DSE: variants seen among roughly 807,000 people sequenced by gnomAD.
The protein encoded by DSE is dermatan sulfate epimerase.
A neutral mutation model predicts 84.4 loss-of-function variants in DSE; 36 were observed. That is an observed-to-expected ratio of 0.43 (90% CI 0.33 to 0.56). The LOEUF is 0.56. DSE is among the 20% of genes least tolerant of loss of function. DSE has a pLI of 0.06. For synonymous variants in DSE, 410 were observed against 430.1 expected (o/e 0.95, Z 0.58); for missense variants, 862 against 1,169.6 (o/e 0.74, Z 3.84).
At chr6:116,331,789 T>G (rs903459885) in intron 2 of DSE, among the ~76,000 whole-genome samples, 1 of 152,060 alleles carries the variant, frequency 6.6e-6, no homozygotes, top group African/African-American at 2.4e-5. Context: ...AAACCCTGTC[T>G]CTACTAAAAA....
intron 2 of DSE, among the ~76,000 whole-genome samples, chr6:116,315,060 G>A (rs1325538971): frequency 6.6e-6 from 1 of 152,140 alleles, no homozygotes; most frequent in Admixed American, 6.5e-5. Flanking sequence ...GGAGAAATGG[G>A]GGAAGTCCTG....
At chr6:116,422,423 C>G (rs1250710474) in intron 2 of DSE, among the ~76,000 whole-genome samples, 1 of 152,164 alleles carries the variant, frequency 6.6e-6, no homozygotes, top group Admixed American at 6.5e-5. Flanking sequence ...GTGCTAACAC[C>G]CAAATTGAGA....
intron 2 of DSE, among the ~76,000 whole-genome samples, chr6:116,284,609 C>T (rs1773755674): frequency 6.6e-6 from 1 of 151,778 alleles, no homozygotes. Flanking sequence ...GTGCTGCACC[C>T]ATTAACTCGT....
intron 1 of DSE, among the ~76,000 whole-genome samples, chr6:116,396,424 C>T (rs1781252400): frequency 6.6e-6 from 1 of 152,110 alleles, no homozygotes; most frequent in Non-Finnish European, 1.5e-5. Flanking sequence ...TTGAGAATGC[C>T]ACGGTTCTTT....
intron 2 of DSE, among the ~76,000 whole-genome samples, chr6:116,308,727 GA>G (rs1187371071): frequency 3.3e-5 from 5 of 151,892 alleles, no homozygotes; most frequent in African/African-American, 9.7e-5. Flanking sequence ...ACCCAGGCTG[GA>G]GTGCAGTGGC....
At chr6:116,324,057 C>T (rs1776480982) in intron 2 of DSE, among the ~76,000 whole-genome samples, 2 of 152,138 alleles carry the variant, frequency 1.3e-5, no homozygotes, top group Non-Finnish European at 2.9e-5. Flanking sequence ...AGGAAGTGCC[C>T]ACCTGTGAGA....
At chr6:116,339,000 G>A (rs377631913) in intron 2 of DSE, among the ~76,000 whole-genome samples, 7 of 152,170 alleles carry the variant, frequency 4.6e-5, no homozygotes, top group Admixed American at 3.9e-4. Flanking sequence ...TGTCTCATGC[G>A]CCCTGTGCTA....
chr6:116,366,551 TG>T (rs1779175223), upstream of DSE: 1 of 152,250 alleles, frequency 6.6e-6, no homozygotes, highest in African/African-American at 2.4e-5. Flanking sequence ...TATTATAATT[TG>T]GAAGGTGTTT....
At chr6:116,367,421 A>C (rs181029495), upstream of DSE, among the ~76,000 whole-genome samples, 116 of 152,366 alleles carry the variant, frequency 7.6e-4, no homozygotes, top group Admixed American at 6.7e-3. Flanking sequence ...GTAAAACATA[A>C]AAGGCAGATT....
At chr6:116,283,526 T>TTTGTTGTTGTTGTTGTTG (rs148204266) in intron 2 of DSE, among the ~76,000 whole-genome samples, 7 of 149,238 alleles carry the variant, frequency 4.7e-5, no homozygotes, top group African/African-American at 1.5e-4. Context: ...GGGTAGATTC[T>TTTGTTGTTGTTGTTGTTG]TTGTTGTTGT....
intron 2 of DSE, among the ~76,000 whole-genome samples, chr6:116,356,788 T>A (rs1372983714): frequency 6.6e-6 from 1 of 152,148 alleles, no homozygotes; most frequent in African/African-American, 2.4e-5. Flanking sequence ...TGCTTGTCTT[T>A]GGCGACAGTA....
At chr6:116,417,842 C>T (rs576895718) in intron 2 of DSE, among the ~76,000 whole-genome samples, 1 of 152,230 alleles carries the variant, frequency 6.6e-6, no homozygotes, top group Admixed American at 6.5e-5. Context: ...TTTCTGTGTA[C>T]TCTAGCCCTG....
At chr6:116,431,825 G>A (rs72951358) in intron 4 of DSE, among the ~76,000 whole-genome samples, 2,301 of 152,172 alleles carry the variant, frequency 0.015, 27 homozygotes, top group Non-Finnish European at 0.025. Context: ...TTCATTTCCA[G>A]AGAACTTTGT....
intron 2 of DSE, chr6:116,278,493 C>G: frequency 6.2e-7 from 1 of 1,613,416 alleles, no homozygotes; most frequent in South Asian, 1.1e-5. Flanking sequence ...AGACCTTGTG[C>G]AGGAGTATTC....
chr6:116,330,595 A>G (rs187141959), intron 2 of DSE, among the ~76,000 whole-genome samples: 81 of 152,306 alleles, frequency 5.3e-4, no homozygotes, highest in African/African-American at 1.9e-3. Context: ...TGTTTTGATT[A>G]TTTTATTATA....
intron 2 of DSE, among the ~76,000 whole-genome samples, chr6:116,359,820 G>T (rs550902379): frequency 6.6e-6 from 1 of 152,296 alleles, no homozygotes; most frequent in African/African-American, 2.4e-5. Flanking sequence ...GAGTGTTGAT[G>T]TAGCTCATTT....
intron 2 of DSE, among the ~76,000 whole-genome samples, chr6:116,262,022 T>G (rs1019338984): frequency 6.6e-6 from 1 of 152,222 alleles, no homozygotes; most frequent in Non-Finnish European, 1.5e-5. Context: ...GACTTTTGCA[T>G]TGATGTTCAG....
At chr6:116,392,098 G>T (rs17196222) in intron 1 of DSE, among the ~76,000 whole-genome samples, 5,338 of 152,290 alleles carry the variant, frequency 0.035, 150 homozygotes, top group Admixed American at 0.071. Context: ...TGTAGCAACA[G>T]TGAAATAGTA....
At chr6:116,348,825 G>T (rs897689092) in intron 2 of DSE, among the ~76,000 whole-genome samples, 2 of 152,178 alleles carry the variant, frequency 1.3e-5, no homozygotes, top group Non-Finnish European at 2.9e-5. Flanking sequence ...GTCCTTTGTA[G>T]GGACATGGAT....
Sources: gnomAD v4.1 joint callset for allele counts (sites outside exome capture counted in the v4.1 genomes callset) on GRCh38, gnomAD v4.1.1 for gene constraint, MANE v1.5 for transcripts, NCBI Gene and HGNC (gene_info 2026-07-23, HGNC 2026-07-21) for gene names.